Variants in TPD52 observed in about 807,000 individuals in gnomAD.
TPD52 encodes tumor protein D52.
TPD52 carries 17 observed loss-of-function variants against 31.3 expected under a neutral mutation model. The ratio of observed to expected loss-of-function variants is 0.54; its 90% confidence interval spans 0.37 to 0.82. The LOEUF is 0.82. TPD52 is among the 40% of genes least tolerant of loss of function. The pLI is 0.00. For synonymous variants in TPD52, 83 were observed against 89.6 expected (o/e 0.93, Z 0.42); for missense variants, 212 against 240.1 (o/e 0.88, Z 0.77).
chr8:80,049,038 A>C (rs1419478508), intron 5 of TPD52, among the ~76,000 whole-genome samples: 1 of 152,196 alleles, frequency 6.6e-6, no homozygotes, highest in Non-Finnish European at 1.5e-5. Flanking sequence ...TATGGCTTTA[A>C]GGTATAGAAA....
intron 1 of TPD52, among the ~76,000 whole-genome samples, chr8:80,102,166 G>A (rs1045305139): frequency 6.6e-6 from 1 of 152,234 alleles, no homozygotes; most frequent in Non-Finnish European, 1.5e-5. Context: ...CAGGCATGAG[G>A]GAGCAGCTTA....
intron 1 of TPD52, among the ~76,000 whole-genome samples, chr8:80,095,066 G>C (rs1816630278): frequency 1.3e-5 from 2 of 152,132 alleles, no homozygotes; most frequent in Non-Finnish European, 2.9e-5. Context: ...ACAAAACCCT[G>C]TAGTGAATGG....
At chr8:80,126,065 A>G (rs957351253) in intron 1 of TPD52, among the ~76,000 whole-genome samples, 1 of 152,206 alleles carries the variant, frequency 6.6e-6, no homozygotes, top group East Asian at 1.9e-4. Context: ...GTCTGTATAA[A>G]TGTCCACACT....
chr8:80,171,287 T>C (rs765186040), intron 1 of TPD52, 138 bp downstream of exon 1: 7 of 1,135,858 alleles, frequency 6.2e-6, no homozygotes, highest in Non-Finnish European at 9.0e-6. Context: ...ATCCGGGAGA[T>C]GCAACTTGCG....
chr8:80,117,146 A>C (rs1338953284), intron 1 of TPD52, among the ~76,000 whole-genome samples: 1 of 152,206 alleles, frequency 6.6e-6, no homozygotes, highest in African/African-American at 2.4e-5. Context: ...GGTTCTAGCC[A>C]GGACACTTAG....
At chr8:80,077,788 T>A (rs561661804) in intron 1 of TPD52, among the ~76,000 whole-genome samples, 2 of 152,340 alleles carry the variant, frequency 1.3e-5, no homozygotes, top group Admixed American at 6.5e-5. Context: ...CCATATAATG[T>A]CAAGCACTAT....
chr8:80,095,077 T>C lies in TPD52; in HGVS notation c.20-30484A>G, dbSNP rs572145134. Among the ~76,000 whole-genome samples the C allele has an allele frequency of 5.9e-5, 9 of 152,170 alleles. No homozygotes were observed. The South Asian group carries it at 1.2e-3, about 21-fold the overall frequency. ...CCACACAAAACCCTGTAGTGAATGGTCATAGTGGCTTTATTCATGATCACC... is the reference window on the plus strand; with the variant it reads ...CCACACAAAACCCTGTAGTGAATGGCCATAGTGGCTTTATTCATGATCACC... On this transcript the variant is annotated intron_variant, in intron 1 of 7. Transcript: ENST00000518937.
At chr8:80,092,049 T>C (rs1816315740) in intron 1 of TPD52, among the ~76,000 whole-genome samples, 1 of 152,228 alleles carries the variant, frequency 6.6e-6, no homozygotes, top group Non-Finnish European at 1.5e-5. Context: ...CAAATATGTG[T>C]ACATGTATAT....
intron 1 of TPD52, among the ~76,000 whole-genome samples, chr8:80,072,177 G>A (rs994167530): frequency 1.6e-4 from 25 of 152,222 alleles, no homozygotes; most frequent in African/African-American, 3.6e-4. Flanking sequence ...GCGTGGTGGC[G>A]TGCACCTGTA....
intron 1 of TPD52, among the ~76,000 whole-genome samples, chr8:80,110,869 C>T (rs1563633802): frequency 6.6e-6 from 1 of 152,182 alleles, no homozygotes; most frequent in Non-Finnish European, 1.5e-5. Flanking sequence ...GAGTGACACT[C>T]CCTTGTGGTC....
chr8:80,060,145 G>A lies in TPD52; in HGVS notation c.135+4333C>T, dbSNP rs868811839. Among the ~76,000 whole-genome samples, 1,228 of 124,212 alleles carry A rather than the reference G, an allele frequency of 9.9e-3. 22 individuals are homozygous for A. Among genetic ancestry groups the A allele is most frequent in the African/African-American group, 0.034 (1,154 of 33,740 alleles). 81.5% of individuals were successfully genotyped at this position (124,212 alleles called of 152,430 possible). ...TGACAAACCTATAGCTAGACTGACC[G>A]AAAAAAAAAAAAGAGAGAGAAGGCA... On this transcript the variant is annotated intron_variant, in intron 2 of 7. Transcript: ENST00000518937.
At chr8:80,094,430 TTATA>T (rs61266725) in intron 1 of TPD52, among the ~76,000 whole-genome samples, 1,495 of 53,142 alleles carry the variant, frequency 0.028, 25 homozygotes, top group African/African-American at 0.031. Flanking sequence ...AAAGAAAATT[TTATA>T]TATATATATA....
In TPD52 at chr8:80,052,911, T is replaced by C. The variant is rs919357206; in HGVS notation, c.284+371A>G. 5.8e-5 allele frequency: 14 copies of C among 240,912 alleles called. No homozygotes were observed. In the Admixed American group the frequency reaches 5.9e-4, roughly 10 times the overall value. The allele number at this position is 240,912 out of a possible 1,614,324, so 14.9% of individuals were successfully genotyped here. A position where few individuals can be genotyped will look rare whatever the true frequency, so the allele number is the denominator to read the frequency against. ...TCCACATTTTGAGAGGTTTGTGACA[T>C]GAAAACTTAATTTGTCTGAGCCTGT... On this transcript the variant is annotated intron_variant, in intron 3 of 7. Transcript: ENST00000518937.
intron 7 of TPD52, among the ~76,000 whole-genome samples, chr8:80,039,716 A>G (rs76692583): frequency 0.013 from 1,966 of 151,934 alleles, 61 homozygotes; most frequent in African/African-American, 0.043. Context: ...CTCCTGCTCA[A>G]TATCCTACAG....
At chr8:80,157,228 G>A (rs1194180801) in intron 1 of TPD52, among the ~76,000 whole-genome samples, 1 of 151,678 alleles carries the variant, frequency 6.6e-6, no homozygotes, top group Non-Finnish European at 1.5e-5. Flanking sequence ...GCCCAACCAA[G>A]GCGAAGACAG....
chr8:80,110,201 C>T (rs933897015), intron 1 of TPD52, among the ~76,000 whole-genome samples: 1 of 152,044 alleles, frequency 6.6e-6, no homozygotes, highest in Non-Finnish European at 1.5e-5. Context: ...TAGTTTGGTT[C>T]GTGGGGACTT....
intron 5 of TPD52, among the ~76,000 whole-genome samples, chr8:80,047,313 G>T (rs963218052): frequency 6.6e-6 from 1 of 152,128 alleles, no homozygotes; most frequent in African/African-American, 2.4e-5. Flanking sequence ...ATCTGCTTCT[G>T]AGGTACTATT....
At position 80,040,460 on chromosome 8, in the gene TPD52, A is replaced by T. The variant is rs144092451; in HGVS notation, c.504+2160T>A. Among the ~76,000 whole-genome samples, 855 of 152,164 alleles carry T rather than the reference A, an allele frequency of 5.6e-3. 9 individuals carry two copies. Among genetic ancestry groups the T allele is most frequent in the African/African-American group, 0.02 (826 of 41,524 alleles). On this transcript the variant is annotated intron_variant, in intron 7 of 7. Transcript: ENST00000518937. ...CTGCCTTGGCCTCACAAAGTGCTGG[A>T]ATTACAGGTGTAAGCCACTGCGCCC...
Position 80,035,165 on chromosome 8 carries a change from C to T in TPD52, c.*2951G>A, listed in dbSNP as rs561859289. The T allele has an allele frequency of 6.6e-6, 1 of 152,304 alleles. No homozygotes were observed. The highest frequency in any genetic ancestry group is 6.5e-5 in the Admixed American group (1 of 15,292). 9.4% of individuals were successfully genotyped at this position (152,304 alleles called of 1,614,324 possible). A position where few individuals can be genotyped will look rare whatever the true frequency, so the allele number is the denominator to read the frequency against. ...TTCACTATGGGCAAAAATGTGATTTCTTCATCTGGGCTTTAAGAGCTATAA... is the reference window on the plus strand; with the variant it reads ...TTCACTATGGGCAAAAATGTGATTTTTTCATCTGGGCTTTAAGAGCTATAA... On this transcript the variant is annotated 3_prime_UTR_variant, in exon 8 of 8. Coordinates refer to ENST00000518937, the MANE Select transcript of TPD52 (RefSeq NM_001025253.3).
Sources: allele counts gnomAD v4.1 joint callset (sites outside exome capture counted in the v4.1 genomes callset), GRCh38; gene constraint gnomAD v4.1.1; transcripts MANE v1.5; gene names NCBI Gene and HGNC (gene_info 2026-07-23, HGNC 2026-07-21).